Variants in DOCK11 observed in about 807,000 individuals in gnomAD.
DOCK11 encodes the protein dedicator of cytokinesis 11, also known as dedicator of cytokinesis protein 11.
DOCK11 carries 70 observed loss-of-function variants against 169.1 expected under a neutral mutation model. The ratio of observed to expected loss-of-function variants is 0.41; its 90% CI spans 0.34 to 0.51. DOCK11 has a LOEUF of 0.51. DOCK11 is among the 20% of genes least tolerant of loss of function. The probability of loss-of-function intolerance (pLI) is 0.10; values close to 1 mark genes in which losing one functional copy is unlikely to be tolerated. For synonymous variants in DOCK11, 529 were observed against 541.3 expected, an observed-to-expected ratio of 0.98 and a Z score of 0.32; for missense variants, 1,166 against 1,538.8, an observed-to-expected ratio of 0.76 and a Z score of 4.05.
intron 24 of DOCK11, among the ~76,000 whole-genome samples, chrX:118,605,966 A>G (rs1194881525): frequency 2.7e-5 from 3 of 111,503 alleles, no homozygotes; most frequent in Non-Finnish European, 5.6e-5. Context: ...ATAAGTTCCA[A>G]TTGAACTTTT....
chrX:118,563,949 G>T (rs772024779), intron 7 of DOCK11, among the ~76,000 whole-genome samples: 2 of 111,802 alleles, frequency 1.8e-5, no homozygotes, highest in South Asian at 3.7e-4. Flanking sequence ...AACCAGGAAA[G>T]ATTAGGCTTG....
At chrX:118,656,796 G>A (rs577919432) in intron 44 of DOCK11, among the ~76,000 whole-genome samples, 32 of 111,442 alleles carry the variant, frequency 2.9e-4, no homozygotes, top group African/African-American at 7.8e-4. Flanking sequence ...AACTCCGGAC[G>A]TTGTGGCACA....
intron 6 of DOCK11, among the ~76,000 whole-genome samples, chrX:118,558,388 C>T (rs1044208144): frequency 9.0e-6 from 1 of 111,609 alleles, no homozygotes; most frequent in East Asian, 2.8e-4. Flanking sequence ...ACAAAAGGCT[C>T]GCAGCCTTCA....
chrX:118,606,118 G>A (rs1023514646), intron 24 of DOCK11, among the ~76,000 whole-genome samples: 2 of 81,233 alleles, frequency 2.5e-5, no homozygotes, highest in African/African-American at 5.2e-5. Flanking sequence ...ACAGAGTTTC[G>A]CTCTTGTTGC....
At chrX:118,667,980 G>A (rs762946387) in intron 45 of DOCK11, among the ~76,000 whole-genome samples, 2 of 111,783 alleles carry the variant, frequency 1.8e-5, no homozygotes, top group African/African-American at 6.5e-5. Flanking sequence ...TTGATCTTAC[G>A]TCCTGCAACC....
At chrX:118,658,963 A>T (rs1006710303) in intron 44 of DOCK11, among the ~76,000 whole-genome samples, 1 of 111,596 alleles carries the variant, frequency 9.0e-6, no homozygotes, top group Non-Finnish European at 1.9e-5. Context: ...TTCCTTTCCC[A>T]TAGAATCTGG....
At chrX:118,568,383 TATATA>T (rs1569418532) in intron 10 of DOCK11, among the ~76,000 whole-genome samples, 1 of 5,538 alleles carries the variant, frequency 1.8e-4, no homozygotes, top group African/African-American at 8.6e-4. Context: ...TATATATATA[TATATA>T]TATATATATA....
In DOCK11 at chrX:118,569,680, A is replaced by G. The variant is rs540998244; in HGVS notation, c.1035+1518A>G. ...AAAATAAATTTTAAAAAATAATTTCATTTCCCTTTCTCCCCCCACGGAGTT... is the reference window on the plus strand; with the variant it reads ...AAAATAAATTTTAAAAAATAATTTCGTTTCCCTTTCTCCCCCCACGGAGTT... On this transcript the variant is annotated intron_variant, in intron 10 of 52. Coordinates refer to ENST00000276202, the MANE Select transcript of DOCK11 (RefSeq NM_144658.4). Among the ~76,000 whole-genome samples, 89 of 111,461 alleles carry G rather than the reference A, an allele frequency of 8.0e-4. 1 individual carries two copies. The highest frequency in any genetic ancestry group is 2.6e-3 in the African/African-American group (81 of 30,674).
chrX:118,622,473 T>C (rs931784065), intron 31 of DOCK11, among the ~76,000 whole-genome samples: 3 of 111,667 alleles, frequency 2.7e-5, no homozygotes, highest in Admixed American at 1.9e-4. Flanking sequence ...ATTTTTAACA[T>C]ATTTGGCAAT....
At position 118,597,541 on chromosome X, in the gene DOCK11, G is replaced by A; in HGVS notation, c.2374G>A (p.Glu792Lys). ...PPGYLNLNDAESRRQCNVDIK... is the reference protein window; with the variant it reads ...PPGYLNLNDAKSRRQCNVDIK... Reference sequence around the variant, plus strand: ...AGGCTACTTGAATCTGAATGATGCAGAATCAAGAAGGGTAGGAAAATACTG... The same window carrying A: ...AGGCTACTTGAATCTGAATGATGCAAAATCAAGAAGGGTAGGAAAATACTG... The change falls in exon 21 of 53, where the codon GAA becomes AAA. Residue 792 changes from glutamate (E) to lysine (K), a missense_variant. Glu to Lys is a moderately conservative substitution (Grantham distance 56, BLOSUM62 1). Coordinates refer to ENST00000276202, the MANE Select transcript of DOCK11 (RefSeq NM_144658.4). The A allele has an allele frequency of 8.3e-7, 1 of 1,211,014 alleles. No homozygotes were observed. Among genetic ancestry groups the A allele is most frequent in the South Asian group, 1.8e-5 (1 of 56,938 alleles).
intron 1 of DOCK11, among the ~76,000 whole-genome samples, chrX:118,527,249 C>A (rs752714119): frequency 8.9e-6 from 1 of 112,591 alleles, no homozygotes; most frequent in Admixed American, 9.4e-5. Context: ...ATAATTACAT[C>A]TGCTTTTTTT....
chrX:118,557,763 C>CAAAAA (rs773728594), intron 6 of DOCK11, among the ~76,000 whole-genome samples: 2 of 24,334 alleles, frequency 8.2e-5, no homozygotes, highest in Non-Finnish European at 1.2e-4. Context: ...GACTCTGTCT[C>CAAAAA]AAAAAAAAAA....
At position 118,680,563 on chromosome X, in the gene DOCK11, A is replaced by G. The variant is rs1156466823; in HGVS notation, c.5542A>G (p.Thr1848Ala). 1 of 1,209,161 alleles carries G rather than the reference A, an allele frequency of 8.3e-7. No homozygotes were observed. The highest frequency in any genetic ancestry group is 1.7e-5 in the African/African-American group (1 of 57,302). Reference protein sequence around the residue: ...VKPYFDDKELTERKTEFERNH... With the variant: ...VKPYFDDKELAERKTEFERNH... ...GCCTTACTTTGATGACAAAGAACTC[A>G]CAGAAAGGAAGACCGAGTTTGAAAG... The change falls in exon 49 of 53, where the codon ACA (threonine) becomes GCA (alanine). Residue 1848 changes from threonine (T) to alanine (A), a missense_variant. By Grantham distance (58) the Thr-to-Ala change is moderately conservative. Transcript: ENST00000276202.
At chrX:118,586,680 G>A (rs181917318) in intron 16 of DOCK11, among the ~76,000 whole-genome samples, 2 of 111,913 alleles carry the variant, frequency 1.8e-5, no homozygotes, top group African/African-American at 6.5e-5. Flanking sequence ...CCAGCATGTG[G>A]TGATTGGGAC....
At chrX:118,551,047 G>A (rs1177032471) in intron 6 of DOCK11, among the ~76,000 whole-genome samples, 1 of 111,744 alleles carries the variant, frequency 8.9e-6, no homozygotes, top group South Asian at 3.7e-4. Flanking sequence ...GCCCACACTG[G>A]TAAGAAGCAT....
At chrX:118,620,249 G>A (rs1001979228) in intron 31 of DOCK11, among the ~76,000 whole-genome samples, 4 of 111,782 alleles carry the variant, frequency 3.6e-5, no homozygotes, top group Non-Finnish European at 7.5e-5. Context: ...ATCACTCTAG[G>A]AAACATAATA....
chrX:118,588,464 G>T lies in DOCK11; in HGVS notation c.2032G>T (p.Ala678Ser). The change falls in exon 18 of 53, where the codon GCT (alanine) becomes TCT (serine). Residue 678 changes from alanine to serine, a missense_variant. Coordinates refer to ENST00000276202, the MANE Select transcript of DOCK11 (RefSeq NM_144658.4). ...VEFRDSDESD[A>S]SALKCIYGKP... ...ATTCCGGGATTCAGATGAAAGTGAC[G>T]CTAGTGCCCTAAAGGTTTGTTTATG... 2 of 1,186,665 alleles carry T rather than the reference G, an allele frequency of 1.7e-6. No individual in the cohort carries two copies. Among genetic ancestry groups the T allele is most frequent in the African/African-American group, 1.8e-5 (1 of 56,821 alleles).
At chrX:118,618,977 C>G (rs1160144146) in intron 31 of DOCK11, among the ~76,000 whole-genome samples, 2 of 108,952 alleles carry the variant, frequency 1.8e-5, no homozygotes, top group African/African-American at 6.7e-5. Context: ...TGTGCCTCAG[C>G]CTCCCGAGTT....
At chrX:118,504,623 C>T (rs906191398) in intron 1 of DOCK11, among the ~76,000 whole-genome samples, 4 of 112,087 alleles carry the variant, frequency 3.6e-5, no homozygotes, top group South Asian at 3.7e-4. Context: ...GGGTACAGCT[C>T]GAGCCATTTC....
Sources: gnomAD v4.1 joint callset for allele counts (sites outside exome capture counted in the v4.1 genomes callset) on GRCh38, gnomAD v4.1.1 for gene constraint, MANE v1.5 for transcripts, NCBI Gene and HGNC (gene_info 2026-07-23, HGNC 2026-07-21) for gene names.